The following COL25A1 variants were observed in gnomAD, a reference collection of about 807,000 sequenced individuals.
COL25A1 encodes collagen type XXV alpha 1 chain.
A neutral mutation model predicts 128.4 loss-of-function variants in COL25A1; 103 were observed. That is an observed-to-expected ratio of 0.80 (90% confidence interval 0.68 to 0.94). COL25A1 has a LOEUF of 0.94. Among genes scored for constraint, COL25A1 ranks in the 40% least tolerant of loss-of-function variants. The probability of loss-of-function intolerance (pLI) is 0.00; values close to 1 mark genes in which losing one functional copy is unlikely to be tolerated. For synonymous variants in COL25A1, 279 were observed against 277.2 expected (o/e 1.01, Z -0.06); for missense variants, 745 against 840.0 (o/e 0.89, Z 1.40).
chr4:109,236,326 C>T (rs1259826963), intron 3 of COL25A1, among the ~76,000 whole-genome samples: 2 of 151,944 alleles, frequency 1.3e-5, no homozygotes, highest in South Asian at 2.1e-4. Context: ...ATATAAGAAA[C>T]CAAGATTTGT....
intron 3 of COL25A1, among the ~76,000 whole-genome samples, chr4:109,117,071 G>GA (rs201457935): frequency 0.011 from 1,565 of 148,584 alleles, 13 homozygotes; most frequent in Non-Finnish European, 0.016. Context: ...AGAAGAAAGA[G>GA]AAAAAAAAAC....
chr4:109,230,119 T>C (rs1779065751), intron 3 of COL25A1, among the ~76,000 whole-genome samples: 2 of 151,926 alleles, frequency 1.3e-5, no homozygotes, highest in South Asian at 4.2e-4. Flanking sequence ...CCCAAACACC[T>C]CCCACCGGGC....
intron 3 of COL25A1, among the ~76,000 whole-genome samples, chr4:109,093,999 A>T (rs1264605786): frequency 2.0e-5 from 3 of 152,196 alleles, no homozygotes; most frequent in African/African-American, 7.2e-5. Context: ...GTTTATTAAT[A>T]TTATATGACT....
At chr4:109,168,545 A>G (rs978306232) in intron 3 of COL25A1, among the ~76,000 whole-genome samples, 1 of 152,222 alleles carries the variant, frequency 6.6e-6, no homozygotes, top group African/African-American at 2.4e-5. Context: ...ACACTCAGTC[A>G]TAAAAGATTC....
At position 109,171,034 on chromosome 4, in the gene COL25A1, C is replaced by T. The variant is rs17040047; in HGVS notation, c.368-120855G>A. ...ACTTCTATATCCCTGGTCCCCTGCT[C>T]GGTACATTATTACTGATGGAATGAA... is the stretch of plus-strand genomic sequence containing the variant. On this transcript the variant is annotated intron_variant, in intron 3 of 37. Coordinates refer to ENST00000399132, the MANE Select transcript of COL25A1 (RefSeq NM_198721.4). Among the ~76,000 whole-genome samples, 1,160 of 152,222 alleles carry T rather than the reference C, an allele frequency of 7.6e-3. 14 individuals are homozygous for T. The highest frequency in any genetic ancestry group is 0.027 in the African/African-American group (1,101 of 41,524).
intron 3 of COL25A1, among the ~76,000 whole-genome samples, chr4:109,066,822 C>A (rs943796019): frequency 6.6e-6 from 1 of 152,050 alleles, no homozygotes; most frequent in Non-Finnish European, 1.5e-5. Context: ...GACACCACAC[C>A]TGGCTAATTT....
intron 5 of COL25A1, among the ~76,000 whole-genome samples, chr4:109,031,361 C>T (rs1275269306): frequency 6.6e-6 from 1 of 151,894 alleles, no homozygotes; most frequent in Non-Finnish European, 1.5e-5. Context: ...CGTGATCCGC[C>T]CGCCTCGGCC....
At chr4:108,942,749 CTTTTTT>C (rs746618908) in intron 8 of COL25A1, among the ~76,000 whole-genome samples, 6 of 69,960 alleles carry the variant, frequency 8.6e-5, no homozygotes, top group Non-Finnish European at 8.0e-5. Context: ...CACATCTGGA[CTTTTTT>C]TTTTTTTTTT....
chr4:109,022,899 G>A (rs1757901338), intron 5 of COL25A1, among the ~76,000 whole-genome samples: 1 of 152,014 alleles, frequency 6.6e-6, no homozygotes, highest in Non-Finnish European at 1.5e-5. Context: ...GTTGCTTTGG[G>A]GTGGAAATGT....
At chr4:109,071,028 G>A (rs1047663305) in intron 3 of COL25A1, among the ~76,000 whole-genome samples, 2 of 151,998 alleles carry the variant, frequency 1.3e-5, no homozygotes. Context: ...GAGGCATCAC[G>A]CTACCTGACT....
At chr4:108,894,990 G>C (rs925477073) in intron 16 of COL25A1, among the ~76,000 whole-genome samples, 3 of 152,152 alleles carry the variant, frequency 2.0e-5, no homozygotes, top group Non-Finnish European at 4.4e-5. Flanking sequence ...CATCTTGTGA[G>C]TAGAGGCCAA....
intron 13 of COL25A1, among the ~76,000 whole-genome samples, chr4:108,906,833 T>C (rs1023572535): frequency 6.6e-6 from 1 of 152,156 alleles, no homozygotes; most frequent in African/African-American, 2.4e-5. Flanking sequence ...CACTCATACA[T>C]AATAGCTGTT....
rs1036154951 is a variant in COL25A1 at position 109,022,094 on chromosome 4, C to T, written c.421-11719G>A. Reference sequence around the variant, plus strand: ...TGATCTTTGTGACCTACTCCCTGTTCGTACACCCCCTCCCCTTTTGAAATC... The same window carrying T: ...TGATCTTTGTGACCTACTCCCTGTTTGTACACCCCCTCCCCTTTTGAAATC... On this transcript the variant is annotated intron_variant, in intron 5 of 37. Transcript: ENST00000399132. 72 of 447,576 alleles carry T rather than the reference C, an allele frequency of 1.6e-4. 1 individual carries two copies. The highest frequency in any genetic ancestry group is 6.5e-4 in the Middle Eastern group (1 of 1,548). 27.7% of individuals were successfully genotyped at this position (447,576 alleles called of 1,614,324 possible). A position where few individuals can be genotyped will look rare whatever the true frequency, so the allele number is the denominator to read the frequency against.
chr4:109,235,907 T>A (rs1013292510), intron 3 of COL25A1, among the ~76,000 whole-genome samples: 15 of 152,098 alleles, frequency 9.9e-5, no homozygotes, highest in Non-Finnish European at 1.9e-4. Flanking sequence ...TGGCACAGAT[T>A]GGGCAGTTAG....
intron 3 of COL25A1, among the ~76,000 whole-genome samples, chr4:109,180,884 A>G (rs983288244): frequency 2.0e-5 from 3 of 152,192 alleles, no homozygotes; most frequent in Admixed American, 2.0e-4. Context: ...CAATATTAAA[A>G]CATGATTTGA....
At chr4:109,000,766 AAAG>A (rs1229862098) in intron 6 of COL25A1, among the ~76,000 whole-genome samples, 5,979 of 72,510 alleles carry the variant, frequency 0.082, 1,064 homozygotes, top group East Asian at 0.16. Flanking sequence ...AAAAAAAAAA[AAAG>A]AAAAAACTAT....
At position 109,212,469 on chromosome 4, in the gene COL25A1, G is replaced by A. The variant is rs75499122; in HGVS notation, c.367+88114C>T. Among the ~76,000 whole-genome samples the A allele has an allele frequency of 7.2e-5, 11 of 152,240 alleles. No individual in the cohort carries two copies. The East Asian group carries it at 2.1e-3, about 29-fold the overall frequency. On this transcript the variant is annotated intron_variant, in intron 3 of 37. Coordinates refer to ENST00000399132, the MANE Select transcript of COL25A1 (RefSeq NM_198721.4). ...AAGCATTCTAAAAGTCCTATTGGGA[G>A]GCTGAATGCCTTTATAGAAGTTAGT...
intron 6 of COL25A1, among the ~76,000 whole-genome samples, chr4:108,996,814 T>G (rs1754823465): frequency 6.6e-6 from 1 of 152,124 alleles, no homozygotes; most frequent in African/African-American, 2.4e-5. Flanking sequence ...AACTCAGGAT[T>G]AAGAAACTCA....
Position 109,228,643 on chromosome 4 carries a change from T to C in COL25A1, c.367+71940A>G, listed in dbSNP as rs78856235. Reference sequence around the variant, plus strand: ...TATGGTGTTCAGGGTTGTGTCTCTCTGGATTATGACAGGCATTGCTTTCTT... The same window carrying C: ...TATGGTGTTCAGGGTTGTGTCTCTCCGGATTATGACAGGCATTGCTTTCTT... On this transcript the variant is annotated intron_variant, in intron 3 of 37. Transcript: ENST00000399132. 8.5e-5 allele frequency among the ~76,000 whole-genome samples: 13 copies of C among 152,310 alleles called. No homozygotes were observed. The East Asian group carries it at 2.3e-3, about 27-fold the overall frequency.
Sources: allele counts gnomAD v4.1 joint callset (sites outside exome capture counted in the v4.1 genomes callset), GRCh38; gene constraint gnomAD v4.1.1; transcripts MANE v1.5; gene names NCBI Gene and HGNC (gene_info 2026-07-23, HGNC 2026-07-21).